The following WDPCP variants were observed in gnomAD, a reference collection of about 807,000 sequenced individuals.
WDPCP encodes the protein WD repeat containing planar cell polarity effector, also known as WD repeat-containing and planar cell polarity effector protein fritz homolog.
WDPCP carries 71 observed loss-of-function variants against 93.1 expected under a neutral mutation model. The observed-to-expected ratio is 0.76, with a 90% CI of 0.63 to 0.93. The LOEUF (loss-of-function observed/expected upper bound fraction) is 0.93. WDPCP is among the 40% of genes least tolerant of loss of function. WDPCP has a pLI of 0.00. For synonymous variants in WDPCP, 315 were observed against 315.0 expected (o/e 1.00, Z 0.00); for missense variants, 844 against 887.4 (o/e 0.95, Z 0.62).
chr2:63,607,083 C>G, intron 3 of WDPCP: 2 of 1,254,876 alleles, frequency 1.6e-6, no homozygotes, highest in Non-Finnish European at 2.2e-6. Flanking sequence ...ACTTAAATTA[C>G]TTGTGAAAAA....
At chr2:63,806,694 G>A (rs1015987814) in intron 2 of WDPCP, among the ~76,000 whole-genome samples, 1 of 152,106 alleles carries the variant, frequency 6.6e-6, no homozygotes, top group East Asian at 1.9e-4. Flanking sequence ...GACCCACCCC[G>A]AGGTGCGCAT....
At chr2:63,590,952 T>C (rs987390356), upstream of WDPCP, 2 of 152,200 alleles carry the variant, frequency 1.3e-5, no homozygotes, top group African/African-American at 4.8e-5. Context: ...ATAAACTGTA[T>C]GAAGGAATCT....
intron 13 of WDPCP, among the ~76,000 whole-genome samples, chr2:63,260,707 G>A (rs1165614245): frequency 2.0e-5 from 3 of 152,022 alleles, no homozygotes; most frequent in Admixed American, 6.6e-5. Flanking sequence ...GCACCACCAC[G>A]CCTGGCTAGC....
At chr2:63,717,156 G>C in intron 2 of WDPCP, 1 of 400,434 alleles carries the variant, frequency 2.5e-6, no homozygotes. Flanking sequence ...CCTGACTCTT[G>C]GAAATGAAGA....
chr2:63,333,242 A>C (rs1688110223), intron 12 of WDPCP, among the ~76,000 whole-genome samples: 1 of 152,204 alleles, frequency 6.6e-6, no homozygotes, highest in South Asian at 2.1e-4. Flanking sequence ...CCTGTATATC[A>C]TGACTTACTT....
At chr2:63,434,375 G>A (rs1290441681) in intron 8 of WDPCP, among the ~76,000 whole-genome samples, 1 of 152,062 alleles carries the variant, frequency 6.6e-6, no homozygotes, top group African/African-American at 2.4e-5. Flanking sequence ...AACAACTTGA[G>A]GCAAATATCT....
At chr2:63,264,232 C>G (rs1681904500) in intron 13 of WDPCP, among the ~76,000 whole-genome samples, 1 of 152,208 alleles carries the variant, frequency 6.6e-6, no homozygotes, top group Non-Finnish European at 1.5e-5. Flanking sequence ...ACAAGAGGCT[C>G]ACTTCACCTC....
At chr2:63,747,184 T>C (rs915271968) in intron 2 of WDPCP, among the ~76,000 whole-genome samples, 2 of 152,200 alleles carry the variant, frequency 1.3e-5, no homozygotes, top group Non-Finnish European at 2.9e-5. Context: ...CTATAGATGT[T>C]AGATCTTAGT....
At chr2:63,485,076 A>T (rs1700489924) in intron 4 of WDPCP, 89 bp from the exon 5 acceptor site, 1 of 1,348,352 alleles carries the variant, frequency 7.4e-7, no homozygotes, top group Admixed American at 1.8e-5. Flanking sequence ...GATTAAAATA[A>T]AACACCTCTA....
At chr2:63,774,669 A>C (rs746657935) in intron 2 of WDPCP, among the ~76,000 whole-genome samples, 4 of 152,162 alleles carry the variant, frequency 2.6e-5, no homozygotes, top group Non-Finnish European at 5.9e-5. Flanking sequence ...TCTAAATTGC[A>C]GTGACTTGGC....
intron 2 of WDPCP, among the ~76,000 whole-genome samples, chr2:63,763,759 T>C (rs1670096422): frequency 6.6e-6 from 1 of 152,220 alleles, no homozygotes; most frequent in Non-Finnish European, 1.5e-5. Context: ...TCTTCCATTA[T>C]GGCTATTTAT....
intron 12 of WDPCP, among the ~76,000 whole-genome samples, chr2:63,316,642 G>C (rs2104020241): frequency 6.6e-6 from 1 of 151,914 alleles, no homozygotes. Flanking sequence ...AAGAGAGTGA[G>C]TCTCTGCCTC....
intron 15 of WDPCP, among the ~76,000 whole-genome samples, chr2:63,164,007 A>G (rs1672801265): frequency 6.6e-6 from 1 of 152,218 alleles, no homozygotes; most frequent in Non-Finnish European, 1.5e-5. Context: ...TTATAATAGC[A>G]GGAAACCAAC....
chr2:63,208,108 C>G (rs559597054), intron 14 of WDPCP, among the ~76,000 whole-genome samples: 1 of 152,104 alleles, frequency 6.6e-6, no homozygotes, highest in South Asian at 2.1e-4. Flanking sequence ...TTACATTATT[C>G]TTTCATAACT....
intron 13 of WDPCP, among the ~76,000 whole-genome samples, chr2:63,298,206 G>A (rs1685024603): frequency 6.6e-6 from 1 of 152,172 alleles, no homozygotes. Flanking sequence ...TCCCCAAGGG[G>A]AGGGATAGGC....
chr2:63,589,090 C>T (rs200826827), upstream of WDPCP: 10 of 1,614,192 alleles, frequency 6.2e-6, no homozygotes, highest in African/African-American at 9.3e-5. Context: ...GGCCCTCGCG[C>T]CCTTGAGTGG....
rs1038757367 is a variant in WDPCP at position 63,259,187 on chromosome 2, G to A, written c.1915+120C>T. On this transcript the variant is annotated intron_variant, in intron 14 of 17. Transcript: ENST00000272321. ...CAAAGCTTAATTCTTCTTTTTATAA[G>A]GCACTGTCTTTACAAACAAAGTAAT... The A allele has an allele frequency of 7.3e-6, 6 of 816,680 alleles. No individual in the cohort carries two copies. In the Admixed American group the frequency reaches 1.1e-4, roughly 15 times the overall value. The allele number at this position is 816,680 out of a possible 1,614,324, so 50.6% of individuals were successfully genotyped here.
chr2:63,563,175 T>A (rs892045856), intron 1 of WDPCP, among the ~76,000 whole-genome samples: 2 of 152,114 alleles, frequency 1.3e-5, no homozygotes, highest in Admixed American at 6.6e-5. Context: ...ATACGACAGT[T>A]TTAACATAAC....
At chr2:63,306,708 C>T (rs1291387968) in intron 13 of WDPCP, among the ~76,000 whole-genome samples, 2 of 152,178 alleles carry the variant, frequency 1.3e-5, no homozygotes, top group African/African-American at 4.8e-5. Context: ...ATGCTAAAAA[C>T]TCTCAATAAA....
Sources: allele counts gnomAD v4.1 joint callset (sites outside exome capture counted in the v4.1 genomes callset), GRCh38; gene constraint gnomAD v4.1.1; transcripts MANE v1.5; gene names NCBI Gene and HGNC (gene_info 2026-07-23, HGNC 2026-07-21).